TANC2: variants seen among roughly 807,000 people sequenced by gnomAD.
The protein encoded by TANC2 is tetratricopeptide repeat, ankyrin repeat and coiled-coil containing 2, also known as protein TANC2.
A neutral mutation model predicts 210.5 loss-of-function variants in TANC2; 26 were observed. That is an observed-to-expected ratio of 0.12 (90% CI 0.09 to 0.17). The LOEUF (loss-of-function observed/expected upper bound fraction) is 0.17. TANC2 is among the 10% of genes least tolerant of loss of function. The pLI is 1.00. For synonymous variants in TANC2, 931 were observed against 967.1 expected (o/e 0.96, Z 0.69); for missense variants, 2,129 against 2,608.9 (o/e 0.82, Z 4.01).
chr17:63,371,466 CAAAA>C (rs535768676), intron 14 of TANC2, among the ~76,000 whole-genome samples: 1 of 100,866 alleles, frequency 9.9e-6, no homozygotes, highest in African/African-American at 3.7e-5. Flanking sequence ...AATTCCGTCT[CAAAA>C]AAAAAAAAAA....
chr17:63,375,267 T>G (rs1477477528), intron 14 of TANC2, among the ~76,000 whole-genome samples: 1 of 152,196 alleles, frequency 6.6e-6, no homozygotes, highest in Non-Finnish European at 1.5e-5. Context: ...CAAAAAGAAA[T>G]GAACTATAGT....
intron 4 of TANC2, among the ~76,000 whole-genome samples, chr17:63,123,558 CAAAAAA>C (rs560638545): frequency 2.0e-5 from 2 of 99,950 alleles, no homozygotes; most frequent in African/African-American, 7.4e-5. Flanking sequence ...GATTCTGTCT[CAAAAAA>C]AAAAAAAGAA....
At chr17:63,156,186 G>A (rs1331179859) in intron 5 of TANC2, among the ~76,000 whole-genome samples, 1 of 151,926 alleles carries the variant, frequency 6.6e-6, no homozygotes, top group East Asian at 1.9e-4. Context: ...CATATCTTTT[G>A]TTATATTGTG....
rs2031368369 is a variant in TANC2, at chr17:62,966,845, GC to G, written c.-24+97del. On this transcript the variant is annotated intron_variant, in intron 1 of 27. Coordinates refer to ENST00000689528, the Ensembl canonical transcript of TANC2. This position sits in a 1 kb window ranked among gnomAD's most constrained non-coding sequence, Gnocchi z 5.1. The stretch of plus-strand genomic sequence containing the variant: ...GCTCCGGGGAGAGGGGCGGGGGCGA[GC>G]GGGGAGACGGCGAAATGGGCAGCGA... The G allele has an allele frequency of 6.6e-6, 1 of 152,336 alleles. No homozygotes were observed. The allele number at this position is 152,336 out of a possible 1,614,324, so 9.4% of individuals were successfully genotyped here.
chr17:63,269,878 A>T (rs1371336415), intron 9 of TANC2, among the ~76,000 whole-genome samples: 3 of 152,186 alleles, frequency 2.0e-5, no homozygotes, highest in Non-Finnish European at 4.4e-5. Flanking sequence ...AATCTTTAGG[A>T]AGGGCTCTGA....
intron 4 of TANC2, among the ~76,000 whole-genome samples, chr17:63,113,241 A>G (rs887430145): frequency 1.3e-5 from 2 of 152,250 alleles, no homozygotes; most frequent in African/African-American, 4.8e-5. Flanking sequence ...AGAAATTTTT[A>G]TAATGCTAAA....
At chr17:63,279,226 G>A (rs575254032) in intron 9 of TANC2, among the ~76,000 whole-genome samples, 44 of 152,256 alleles carry the variant, frequency 2.9e-4, no homozygotes, top group Admixed American at 6.5e-4. Context: ...AAAGTGAAAA[G>A]ACTTGAGCAG....
intron 3 of TANC2, among the ~76,000 whole-genome samples, chr17:63,091,907 C>T (rs2037210487): frequency 6.6e-6 from 1 of 152,088 alleles, no homozygotes; most frequent in Non-Finnish European, 1.5e-5. Context: ...GTTTGTAGTT[C>T]TCCTTGAAGA....
chr17:63,395,517 G>A (rs1015093913), intron 17 of TANC2, among the ~76,000 whole-genome samples: 7 of 152,140 alleles, frequency 4.6e-5, no homozygotes, highest in African/African-American at 1.4e-4. Context: ...AAAAAAGTCT[G>A]ACCTTTTCTG....
intron 21 of TANC2, among the ~76,000 whole-genome samples, chr17:63,408,584 C>T (rs2048591793): frequency 6.6e-6 from 1 of 152,200 alleles, no homozygotes; most frequent in Non-Finnish European, 1.5e-5. Context: ...TAAACTTATT[C>T]CATATTAGAG....
At chr17:63,128,970 A>G (rs1435652504) in intron 4 of TANC2, among the ~76,000 whole-genome samples, 1 of 152,126 alleles carries the variant, frequency 6.6e-6, no homozygotes, top group Middle Eastern at 3.2e-3. Context: ...TCAGTTGCAT[A>G]CTTACGGACG....
At chr17:63,310,061 G>A (rs2045066535) in intron 9 of TANC2, among the ~76,000 whole-genome samples, 1 of 152,112 alleles carries the variant, frequency 6.6e-6, no homozygotes, top group South Asian at 2.1e-4. Context: ...GATTAAGAGG[G>A]AACTTTCAAA....
At chr17:63,162,826 T>C (rs2040074791) in intron 5 of TANC2, among the ~76,000 whole-genome samples, 3 of 152,052 alleles carry the variant, frequency 2.0e-5, no homozygotes, top group Non-Finnish European at 4.4e-5. Flanking sequence ...CCATGGAATG[T>C]GTTCCGAGAG....
In TANC2 at chr17:63,305,206, T is replaced by C. The variant is rs1479723493; in HGVS notation, c.1160-9182T>C. 2.6e-5 allele frequency: 4 copies of C among 152,264 alleles called. No individual in the cohort carries two copies. The East Asian group carries it at 7.7e-4, about 29-fold the overall frequency. 9.4% of individuals were successfully genotyped at this position (152,264 alleles called of 1,614,324 possible). A position where few individuals can be genotyped will look rare whatever the true frequency, so the allele number is the denominator to read the frequency against. The stretch of plus-strand genomic sequence containing the variant: ...GTTGGGACCCTAGGCCCTGTTGGTG[T>C]GGGCTCACGAGTAGGATCTTCCGAT... On this transcript the variant is annotated intron_variant, in intron 9 of 27. Coordinates refer to ENST00000689528, the Ensembl canonical transcript of TANC2.
chr17:63,358,068 C>T (rs2046829261), intron 14 of TANC2, among the ~76,000 whole-genome samples: 1 of 152,140 alleles, frequency 6.6e-6, no homozygotes, highest in Admixed American at 6.5e-5. Context: ...ACTCAATTGC[C>T]AAAAAGTAGT....
chr17:63,061,193 C>T (rs1329140236), intron 2 of TANC2, among the ~76,000 whole-genome samples: 1 of 152,050 alleles, frequency 6.6e-6, no homozygotes, highest in African/African-American at 2.4e-5. Flanking sequence ...ATGGTGAAAC[C>T]TCGTCTCTAC....
intron 4 of TANC2, among the ~76,000 whole-genome samples, chr17:63,132,702 A>G (rs1298575110): frequency 6.6e-6 from 1 of 152,188 alleles, no homozygotes; most frequent in Non-Finnish European, 1.5e-5. Context: ...CAAATAATAG[A>G]AATTTCTGAC....
rs2031324933 is a variant in TANC2 at position 62,966,271 on chromosome 17, C to T, written c.-502C>T. On this transcript the variant is annotated 5_prime_UTR_variant, in exon 1 of 28. Coordinates refer to ENST00000689528, the Ensembl canonical transcript of TANC2. This position sits in a 1 kb window ranked among gnomAD's most constrained non-coding sequence, Gnocchi z 5.1. ...CGAGCGGCCGGCGGGGCGCGGGTTG[C>T]TGGGCGCGCTGCTCCGGCGGGGCCC... Among the ~76,000 whole-genome samples, 2 of 146,184 alleles carry T rather than the reference C, an allele frequency of 1.4e-5. No individual in the cohort carries two copies. The highest frequency in any genetic ancestry group is 6.8e-5 in the Admixed American group (1 of 14,732).
intron 1 of TANC2, among the ~76,000 whole-genome samples, chr17:62,974,250 T>G (rs1305754343): frequency 6.6e-6 from 1 of 152,234 alleles, no homozygotes. Context: ...TTATTACATC[T>G]AACACTGAAT....
Sources: allele counts gnomAD v4.1 joint callset (sites outside exome capture counted in the v4.1 genomes callset), GRCh38; gene constraint gnomAD v4.1.1; non-coding constraint Gnocchi (gnomAD v3.1); transcripts MANE v1.5; gene names NCBI Gene and HGNC (gene_info 2026-07-23, HGNC 2026-07-21).